MTMR7: variants seen among roughly 807,000 people sequenced by gnomAD.
MTMR7 encodes the protein phosphatidylinositol-3-phosphate phosphatase MTMR7.
MTMR7 carries 76 observed loss-of-function variants against 81.2 expected under a neutral mutation model. The observed-to-expected ratio is 0.94, with a 90% CI of 0.78 to 1.13. MTMR7 has a LOEUF of 1.13. MTMR7 is among the 50% of genes most tolerant of loss of function. The pLI, the probability that MTMR7 is intolerant of heterozygous loss-of-function variation, is 0.00. For synonymous variants in MTMR7, 372 were observed against 289.8 expected, an observed-to-expected ratio of 1.28 and a Z score of -2.88; for missense variants, 1,044 against 820.0, an observed-to-expected ratio of 1.27 and a Z score of -3.34.
At chr8:17,335,275 G>A (rs957785684) in intron 6 of MTMR7, among the ~76,000 whole-genome samples, 4 of 152,032 alleles carry the variant, frequency 2.6e-5, no homozygotes, top group Non-Finnish European at 4.4e-5. Flanking sequence ...CCTTCAAACC[G>A]GCATGGAACA....
chr8:17,399,838 T>C (rs189598457), intron 1 of MTMR7, among the ~76,000 whole-genome samples: 50 of 146,380 alleles, frequency 3.4e-4, no homozygotes, highest in African/African-American at 1.2e-3. Flanking sequence ...AAAGAAAACA[T>C]AGTACATATA....
chr8:17,402,721 A>C (rs1821464197), intron 1 of MTMR7, among the ~76,000 whole-genome samples: 2 of 152,206 alleles, frequency 1.3e-5, no homozygotes, highest in African/African-American at 4.8e-5. Context: ...TGCCATAAGC[A>C]TGGGAGCACA....
Position 17,388,745 on chromosome 8 carries a change from C to T in MTMR7, c.25-15505G>A, listed in dbSNP as rs554855836. On this transcript the variant is annotated intron_variant, in intron 1 of 13. Transcript: ENST00000180173. ...GAGAAAGCCCAGGCACAGAGAGACC[C>T]AAGTCTCATGCTCTCCCTCCCACCA... Among the ~76,000 whole-genome samples, 49 of 151,810 alleles carry T rather than the reference C, an allele frequency of 3.2e-4. No individual in the cohort carries two copies. In the East Asian group the frequency reaches 7.4e-3, roughly 23 times the overall value.
At chr8:17,375,211 G>C (rs1820544946) in intron 1 of MTMR7, among the ~76,000 whole-genome samples, 1 of 152,056 alleles carries the variant, frequency 6.6e-6, no homozygotes, top group Non-Finnish European at 1.5e-5. Context: ...AAAACACCAA[G>C]AGCAAACAGG....
At chr8:17,389,327 A>T (rs1406848731) in intron 1 of MTMR7, among the ~76,000 whole-genome samples, 2 of 152,184 alleles carry the variant, frequency 1.3e-5, no homozygotes, top group Non-Finnish European at 2.9e-5. Context: ...TCATATTCTC[A>T]TGGGAACCCA....
intron 1 of MTMR7, 35 bp downstream of exon 1, chr8:17,413,234 C>A (rs1391478621): frequency 1.9e-6 from 3 of 1,547,532 alleles, no homozygotes; most frequent in South Asian, 2.4e-5. Context: ...CCCATCTCCT[C>A]CCGTCCCTCC....
At chr8:17,368,878 C>G (rs1820319613) in intron 3 of MTMR7, among the ~76,000 whole-genome samples, 1 of 152,202 alleles carries the variant, frequency 6.6e-6, no homozygotes, top group African/African-American at 2.4e-5. Context: ...AGTCAGATCT[C>G]TGTCTACATC....
intron 1 of MTMR7, among the ~76,000 whole-genome samples, chr8:17,393,746 G>T (rs1024789703): frequency 6.6e-6 from 1 of 152,146 alleles, no homozygotes; most frequent in East Asian, 1.9e-4. Context: ...GCTAATGGAT[G>T]CTGGACTTCA....
chr8:17,365,285 T>TA (rs1259770844), intron 3 of MTMR7, among the ~76,000 whole-genome samples: 1 of 152,238 alleles, frequency 6.6e-6, no homozygotes, highest in Non-Finnish European at 1.5e-5. Flanking sequence ...CCTATAGAGT[T>TA]GTTTGAGTTC....
At chr8:17,399,743 T>A (rs927132970) in intron 1 of MTMR7, among the ~76,000 whole-genome samples, 1 of 152,058 alleles carries the variant, frequency 6.6e-6, no homozygotes, top group Non-Finnish European at 1.5e-5. Flanking sequence ...CCAAGAGATA[T>A]CCGCACTCCC....
intron 6 of MTMR7, among the ~76,000 whole-genome samples, chr8:17,339,259 C>A (rs1470739937): frequency 1.3e-5 from 2 of 151,974 alleles, no homozygotes; most frequent in South Asian, 2.1e-4. Context: ...TTTTTTAATA[C>A]CTTCACTGAC....
At chr8:17,342,812 A>C (rs1006122946) in intron 5 of MTMR7, among the ~76,000 whole-genome samples, 2 of 152,162 alleles carry the variant, frequency 1.3e-5, no homozygotes, top group Non-Finnish European at 2.9e-5. Context: ...AAGGGGCAGC[A>C]GCAGAGTCAC....
chr8:17,348,512 T>C (rs2150547737), intron 5 of MTMR7, among the ~76,000 whole-genome samples: 1 of 141,142 alleles, frequency 7.1e-6, no homozygotes, highest in Non-Finnish European at 1.5e-5. Flanking sequence ...ATTGCACCAC[T>C]GCACTCTAGC....
chr8:17,376,622 A>C (rs537008893), intron 1 of MTMR7, among the ~76,000 whole-genome samples: 1 of 152,214 alleles, frequency 6.6e-6, no homozygotes, highest in African/African-American at 2.4e-5. Flanking sequence ...TTTTTTGATT[A>C]TAGTCATCCT....
At chr8:17,362,341 G>A (rs1429743755) in intron 3 of MTMR7, among the ~76,000 whole-genome samples, 1 of 152,158 alleles carries the variant, frequency 6.6e-6, no homozygotes, top group East Asian at 1.9e-4. Context: ...ACAGCTATCT[G>A]TGGCCAGTGG....
intron 1 of MTMR7, among the ~76,000 whole-genome samples, chr8:17,383,778 CGGTTCTCCCGGT>C (rs1190613706): frequency 6.6e-6 from 1 of 151,280 alleles, no homozygotes; most frequent in Non-Finnish European, 1.5e-5. Flanking sequence ...CCGAAAGACT[CGGTTCTCCCGGT>C]GGTCGAGGGA....
intron 6 of MTMR7, 151 bp from the exon 7 acceptor site, chr8:17,331,433 G>T: frequency 8.0e-6 from 6 of 753,916 alleles, no homozygotes; most frequent in Non-Finnish European, 1.0e-5. Context: ...ACCTTGTACT[G>T]AACTACATAG....
intron 1 of MTMR7, among the ~76,000 whole-genome samples, chr8:17,409,939 A>G (rs1323981370): frequency 6.6e-6 from 1 of 152,192 alleles, no homozygotes; most frequent in East Asian, 1.9e-4. Context: ...GTGGATAAGA[A>G]GATGATTGTC....
At chr8:17,386,649 GCT>G (rs35891794) in intron 1 of MTMR7, among the ~76,000 whole-genome samples, 62,389 of 151,774 alleles carry the variant, frequency 0.41, 13,502 homozygotes, top group Admixed American at 0.56. Context: ...GCTCATGATG[GCT>G]CCAGTTGCCC....
Sources: gnomAD v4.1 joint callset for allele counts (sites outside exome capture counted in the v4.1 genomes callset) on GRCh38, gnomAD v4.1.1 for gene constraint, MANE v1.5 for transcripts, NCBI Gene and HGNC (gene_info 2026-07-23, HGNC 2026-07-21) for gene names.